ZNF536: variants seen among roughly 807,000 people sequenced by gnomAD.
ZNF536 encodes the protein zinc finger protein 536.
In ZNF536, 13 loss-of-function variants were observed where a neutral mutation model predicts 84.5. The ratio of observed to expected loss-of-function variants is 0.15; its 90% CI spans 0.10 to 0.24. ZNF536 has a LOEUF of 0.24. ZNF536 is among the 10% of genes least tolerant of loss of function. The pLI is 1.00. For synonymous variants in ZNF536, 811 were observed against 742.5 expected, an observed-to-expected ratio of 1.09 and a Z score of -1.50; for missense variants, 1,536 against 1,747.5, an observed-to-expected ratio of 0.88 and a Z score of 2.16.
At chr19:30,600,585 AC>A (rs2047650073) in intron 1 of ZNF536, among the ~76,000 whole-genome samples, 1 of 152,132 alleles carries the variant, frequency 6.6e-6, no homozygotes, top group East Asian at 1.9e-4. Flanking sequence ...TTGAACACAC[AC>A]CTGCCATGCA....
rs555746294 is a variant in ZNF536 at position 30,442,514 on chromosome 19, C to A, written c.-2-1047C>A. 5.1e-3 allele frequency among the ~76,000 whole-genome samples: 774 copies of A among 152,234 alleles called. 6 individuals are homozygous for A. Among genetic ancestry groups the A allele is most frequent in the Non-Finnish European group, 8.4e-3 (574 of 68,014 alleles). On this transcript the variant is annotated intron_variant, in intron 1 of 4. Transcript: ENST00000355537. ...TTCCTGGATTTTAATGGGTTTTTAT[C>A]TAGTTCTATAAAAGACCTCTTTAAA... is the stretch of plus-strand genomic sequence containing the variant.
intron 2 of ZNF536, among the ~76,000 whole-genome samples, chr19:30,294,236 C>T (rs1050154124): frequency 1.3e-5 from 2 of 152,128 alleles, no homozygotes; most frequent in African/African-American, 4.8e-5. Flanking sequence ...GGTAGAGGCA[C>T]GTGTATTTGC....
intron 2 of ZNF536, among the ~76,000 whole-genome samples, chr19:30,454,303 C>T (rs2052739922): frequency 6.6e-6 from 1 of 152,218 alleles, no homozygotes; most frequent in African/African-American, 2.4e-5. Flanking sequence ...GATCGCGCCA[C>T]AGTGCTCTCT....
At chr19:30,463,139 A>G (rs1375385690) in intron 2 of ZNF536, among the ~76,000 whole-genome samples, 2 of 152,150 alleles carry the variant, frequency 1.3e-5, no homozygotes, top group Admixed American at 1.3e-4. Context: ...CTGTGTTGGC[A>G]TGGATTGGGG....
At chr19:30,664,780 A>C (rs1287302545) in intron 1 of ZNF536, among the ~76,000 whole-genome samples, 1 of 152,272 alleles carries the variant, frequency 6.6e-6, no homozygotes, top group South Asian at 2.1e-4. Flanking sequence ...GGCATCAAAG[A>C]GCGCTTTCTG....
chr19:30,550,549 A>AAGGAAGGC (rs368087018), intron 4 of ZNF536, among the ~76,000 whole-genome samples: 6 of 151,816 alleles, frequency 4.0e-5, no homozygotes, highest in South Asian at 2.1e-4. Flanking sequence ...TCACCTGTGG[A>AAGGAAGGC]AGGAAGGCAG....
upstream of ZNF536, among the ~76,000 whole-genome samples, chr19:30,227,700 CG>C (rs1193019501): frequency 6.7e-6 from 1 of 149,694 alleles, no homozygotes; most frequent in Non-Finnish European, 1.5e-5. Context: ...AGCGAGCGCG[CG>C]GTACGGCCCT....
chr19:30,434,121 A>T (rs750110813), intron 1 of ZNF536, among the ~76,000 whole-genome samples: 1 of 152,192 alleles, frequency 6.6e-6, no homozygotes, highest in Non-Finnish European at 1.5e-5. Context: ...TGTCAATGGA[A>T]CTTCAGGTGT....
In ZNF536 at chr19:30,391,067, G is replaced by T. The variant is rs570150542; in HGVS notation, c.-3+18511G>T. On this transcript the variant is annotated intron_variant, in intron 1 of 4. Transcript: ENST00000355537. Reference sequence around the variant, plus strand: ...GCCTGGAAATTCTCCTGTGATCAGAGCCAGAGGCAGAGTCCCAGCTCTTGC... The same window carrying T: ...GCCTGGAAATTCTCCTGTGATCAGATCCAGAGGCAGAGTCCCAGCTCTTGC... 5.3e-5 allele frequency among the ~76,000 whole-genome samples: 8 copies of T among 152,348 alleles called. No homozygotes were observed. The East Asian group carries it at 1.2e-3, about 22-fold the overall frequency.
intron 2 of ZNF536, among the ~76,000 whole-genome samples, chr19:30,345,245 C>G (rs2041302396): frequency 6.6e-6 from 1 of 151,956 alleles, no homozygotes; most frequent in Middle Eastern, 3.2e-3. Context: ...CCGGGGGCTC[C>G]CCCCAGCATG....
intron 1 of ZNF536, among the ~76,000 whole-genome samples, chr19:30,594,242 C>T (rs745742568): frequency 1.3e-5 from 2 of 152,210 alleles, no homozygotes; most frequent in Non-Finnish European, 2.9e-5. Context: ...CCTATTTGAC[C>T]CAGCATCTGT....
chr19:30,531,446 T>A lies in ZNF536; in HGVS notation c.2171-3401T>A, dbSNP rs1209256035. 3.7e-5 allele frequency among the ~76,000 whole-genome samples: 4 copies of A among 108,880 alleles called. No homozygotes were observed. In the East Asian group the frequency reaches 1.2e-3, roughly 33 times the overall value. The allele number at this position is 108,880 out of a possible 152,430, so 71.4% of individuals were successfully genotyped here. On this transcript the variant is annotated intron_variant, in intron 2 of 4. Transcript: ENST00000355537. ...TCCTGCAGTGTCTTCTTTTTTGTGA[T>A]TTTTTTTTTTTTGAAGATTCAGGGG... is the stretch of plus-strand genomic sequence containing the variant.
chr19:30,604,177 G>A (rs1048262520), intron 1 of ZNF536, among the ~76,000 whole-genome samples: 3 of 152,196 alleles, frequency 2.0e-5, no homozygotes, highest in African/African-American at 7.2e-5. Flanking sequence ...AAACAGCCTG[G>A]ACAGGGATAG....
chr19:30,581,626 G>T (rs1031480193), intron 1 of ZNF536, among the ~76,000 whole-genome samples: 7 of 152,168 alleles, frequency 4.6e-5, no homozygotes, highest in African/African-American at 1.7e-4. Context: ...GATGTCTGTG[G>T]CTGGAAGCAG....
At chr19:30,657,803 C>A (rs2049969781) in intron 1 of ZNF536, among the ~76,000 whole-genome samples, 1 of 152,186 alleles carries the variant, frequency 6.6e-6, no homozygotes, top group Non-Finnish European at 1.5e-5. Flanking sequence ...ACCAGAAAGA[C>A]CTGTTAATTC....
intron 2 of ZNF536, among the ~76,000 whole-genome samples, chr19:30,340,380 C>T (rs538316607): frequency 6.6e-6 from 1 of 152,310 alleles, no homozygotes; most frequent in East Asian, 1.9e-4. Flanking sequence ...GCACTGGGCC[C>T]AGCCCAGCCC....
chr19:30,497,788 GGTGT>G (rs139282122), intron 2 of ZNF536, among the ~76,000 whole-genome samples: 1 of 151,792 alleles, frequency 6.6e-6, no homozygotes, highest in Admixed American at 6.6e-5. Flanking sequence ...GTGAACGTGG[GGTGT>G]GTGTGTGTGT....
At chr19:30,675,304 G>A (rs990653707) in intron 1 of ZNF536, among the ~76,000 whole-genome samples, 4 of 152,138 alleles carry the variant, frequency 2.6e-5, no homozygotes, top group South Asian at 2.1e-4. Context: ...TGATGCAAGC[G>A]TTCAAAGTGC....
rs58364073 is a variant in ZNF536 at position 30,254,811 on chromosome 19, A to G, written c.-190+26138A>G. On this transcript the variant is annotated intron_variant, in intron 1 of 5. Transcript: ENST00000585628. ...CTAGATAAAGCCTGATCCCCACAGA[A>G]ATAATTTTCATCATCAGCTGAGCCG... Among the ~76,000 whole-genome samples the G allele has an allele frequency of 4.8e-3, 735 of 152,338 alleles. 6 individuals are homozygous for G. The highest frequency in any genetic ancestry group is 0.017 in the African/African-American group (702 of 41,584).
Sources: gnomAD v4.1 joint callset for allele counts (sites outside exome capture counted in the v4.1 genomes callset) on GRCh38, gnomAD v4.1.1 for gene constraint, MANE v1.5 for transcripts, NCBI Gene and HGNC (gene_info 2026-07-23, HGNC 2026-07-21) for gene names.